Variants in FAIM2 observed in about 807,000 individuals in gnomAD.
FAIM2 encodes Fas apoptotic inhibitory molecule 2, also known as protein lifeguard 2.
In FAIM2, 27 loss-of-function variants were observed where a neutral mutation model predicts 47.4. The observed-to-expected ratio is 0.57, with a 90% CI of 0.42 to 0.78. The LOEUF (loss-of-function observed/expected upper bound fraction) is 0.78, where lower values mean the gene tolerates loss of function less well. Among genes scored for constraint, FAIM2 ranks in the 30% least tolerant of loss-of-function variants. FAIM2 has a pLI of 0.00. For synonymous variants in FAIM2, 156 were observed against 159.3 expected (o/e 0.98, Z 0.16); for missense variants, 311 against 389.4 (o/e 0.80, Z 1.69).
At chr12:49,875,572 GC>G (rs1313584751) in intron 11 of FAIM2, among the ~76,000 whole-genome samples, 5 of 152,144 alleles carry the variant, frequency 3.3e-5, no homozygotes, top group Non-Finnish European at 4.4e-5. Flanking sequence ...CCCCAGGAGG[GC>G]CACCAAAGGA....
intron 2 of FAIM2, among the ~76,000 whole-genome samples, chr12:49,898,978 G>T (rs1407522182): frequency 7.9e-5 from 12 of 152,130 alleles, no homozygotes; most frequent in Admixed American, 3.9e-4. Context: ...AAGTGGGGGT[G>T]AGGATGACAG....
At chr12:49,890,086 G>A (rs201426431) in intron 8 of FAIM2, 31 bp downstream of exon 8, 4 of 1,610,868 alleles carry the variant, frequency 2.5e-6, no homozygotes, top group African/African-American at 1.3e-5. Context: ...CTGGCCTATG[G>A]TCCTTCTCTC....
chr12:49,877,833 CGT>C (rs1367242630), intron 11 of FAIM2, among the ~76,000 whole-genome samples: 1 of 149,202 alleles, frequency 6.7e-6, no homozygotes, highest in African/African-American at 2.5e-5. Context: ...TGTCTATGTG[CGT>C]ATATGTGTGT....
intron 6 of FAIM2, 97 bp downstream of exon 6, chr12:49,890,967 G>A: frequency 7.9e-7 from 1 of 1,258,530 alleles, no homozygotes. Flanking sequence ...GGCCCTCTCA[G>A]GGCTGCACAG....
intron 11 of FAIM2, among the ~76,000 whole-genome samples, chr12:49,875,650 G>A (rs529176540): frequency 1.3e-5 from 2 of 152,286 alleles, no homozygotes; most frequent in African/African-American, 4.8e-5. Context: ...GTGTATGAAA[G>A]TGTATTAATG....
intron 11 of FAIM2, among the ~76,000 whole-genome samples, chr12:49,883,779 G>C (rs943825157): frequency 6.6e-6 from 1 of 152,120 alleles, no homozygotes; most frequent in Non-Finnish European, 1.5e-5. Context: ...GACACCAAGG[G>C]AAGAAGGTGT....
chr12:49,897,764 A>T (rs979533838), intron 3 of FAIM2, among the ~76,000 whole-genome samples, 181 bp from the exon 4 acceptor site: 77 of 149,986 alleles, frequency 5.1e-4, no homozygotes, highest in Non-Finnish European at 1.0e-3. Context: ...AGCCAAGCGC[A>T]CCCCCCCCCA....
chr12:49,901,581 C>A (rs1824645084), intron 1 of FAIM2: 3 of 371,120 alleles, frequency 8.1e-6, no homozygotes, highest in Non-Finnish European at 1.4e-5. Context: ...GAGTGTCCAC[C>A]ATTGGTTGTC....
chr12:49,891,775 C>G (rs1298919338), intron 5 of FAIM2, among the ~76,000 whole-genome samples: 6 of 152,178 alleles, frequency 3.9e-5, no homozygotes, highest in Admixed American at 6.5e-5. Flanking sequence ...GAAGTGGCAC[C>G]TGTCGGGTGA....
chr12:49,880,509 T>TGTATGA (rs1565615042), intron 11 of FAIM2, among the ~76,000 whole-genome samples: 6 of 151,530 alleles, frequency 4.0e-5, no homozygotes, highest in Non-Finnish European at 5.9e-5. Context: ...TGTGTATGAG[T>TGTATGA]GTGTATGTGC....
intron 2 of FAIM2, among the ~76,000 whole-genome samples, chr12:49,898,929 G>T (rs891692668): frequency 6.6e-6 from 1 of 152,116 alleles, no homozygotes; most frequent in African/African-American, 2.4e-5. Flanking sequence ...TTCAGGGGGT[G>T]GGGGGCTGGA....
chr12:49,885,524 C>A (rs970119634), intron 11 of FAIM2, among the ~76,000 whole-genome samples: 5 of 152,160 alleles, frequency 3.3e-5, no homozygotes, highest in African/African-American at 1.2e-4. Flanking sequence ...GAGCATGGTG[C>A]GGGGTCTGAG....
chr12:49,897,654 G>A lies in FAIM2; in HGVS notation c.316-71C>T, dbSNP rs1041995563. On this transcript the variant is annotated intron_variant, in intron 3 of 11. Transcript: ENST00000320634. ...GACCTGTCAGCCCCGCAGTGACTCA[G>A]TCACCTCTCCAGGTCCCCATCCTGT... The A allele has an allele frequency of 3.0e-5, 35 of 1,161,878 alleles. No individual in the cohort carries two copies. The African/African-American group carries it at 4.5e-4, about 15-fold the overall frequency. The allele number at this position is 1,161,878 out of a possible 1,614,324, so 72.0% of individuals were successfully genotyped here.
At chr12:49,876,258 T>A (rs1276419072) in intron 11 of FAIM2, among the ~76,000 whole-genome samples, 1 of 152,190 alleles carries the variant, frequency 6.6e-6, no homozygotes, top group Non-Finnish European at 1.5e-5. Context: ...CACAGCCACC[T>A]ATGAGGAAGG....
In FAIM2 at chr12:49,891,125, C is replaced by T. The variant is rs1265026093; in HGVS notation, c.435-11G>A. The T allele has an allele frequency of 3.1e-6, 5 of 1,613,852 alleles. No homozygotes were observed. The Admixed American group carries it at 8.3e-5, about 27-fold the overall frequency. ...GCAAAGAACACAGCACTGTGAGAGACAGATGGATAGGTGAGTCAGCCAGCC... is the reference window on the plus strand; with the variant it reads ...GCAAAGAACACAGCACTGTGAGAGATAGATGGATAGGTGAGTCAGCCAGCC... On this transcript the variant is annotated splice_polypyrimidine_tract_variant and intron_variant, in intron 5 of 11. Transcript: ENST00000320634.
chr12:49,889,065 C>A, intron 10 of FAIM2, 42 bp downstream of exon 10: 1 of 1,494,070 alleles, frequency 6.7e-7, no homozygotes, highest in Non-Finnish European at 9.2e-7. Context: ...CAGTGGGGCC[C>A]CTCCCTCCCC....
At chr12:49,900,357 G>A in intron 2 of FAIM2, 2 of 409,572 alleles carry the variant, frequency 4.9e-6, no homozygotes, top group South Asian at 5.2e-5. Context: ...TGCTGAGGAA[G>A]GCCACAGGGG....
rs1467002129 is a variant in FAIM2 at position 49,879,204 on chromosome 12, GTA to G, written c.801+8180_801+8181del. Among the ~76,000 whole-genome samples, 23 of 105,854 alleles carry G rather than the reference GTA, an allele frequency of 2.2e-4. 5 individuals are homozygous for G. Among genetic ancestry groups the G allele is most frequent in the Non-Finnish European group, 1.5e-4 (8 of 53,354 alleles). 69.4% of individuals were successfully genotyped at this position (105,854 alleles called of 152,430 possible). The stretch of plus-strand genomic sequence containing the variant: ...CATGTGTATGCATGTGTATGTATGT[GTA>G]TGAGTGTGTATGTGCATGTGTGTAT... On this transcript the variant is annotated intron_variant, in intron 11 of 11. Transcript: ENST00000320634.
At chr12:49,890,856 T>C in intron 6 of FAIM2, 134 bp from the exon 7 acceptor site, 1 of 888,790 alleles carries the variant, frequency 1.1e-6, no homozygotes. Context: ...TTCAGCCACA[T>C]CCCCATTTGC....
Sources: allele counts gnomAD v4.1 joint callset (sites outside exome capture counted in the v4.1 genomes callset), GRCh38; gene constraint gnomAD v4.1.1; transcripts MANE v1.5; gene names NCBI Gene and HGNC (gene_info 2026-07-23, HGNC 2026-07-21).